ZNF717: variants seen among roughly 807,000 people sequenced by gnomAD.
ZNF717 encodes krueppel-like factor X17.
ZNF717 carries 9 observed loss-of-function variants against 13.8 expected under a neutral mutation model. The ratio of observed to expected loss-of-function variants is 0.65; its 90% confidence interval spans 0.39 to 1.14. ZNF717 has a LOEUF of 1.14. Among genes scored for constraint, ZNF717 ranks in the 50% most tolerant of loss-of-function variants. ZNF717 has a pLI of 0.01. For synonymous variants in ZNF717, 327 were observed against 364.1 expected (o/e 0.90, Z 1.16); for missense variants, 1,040 against 1,080.7 (o/e 0.96, Z 0.53).
At chr3:75,765,562 C>A (rs1196807683) in intron 2 of ZNF717, among the ~76,000 whole-genome samples, 1 of 152,116 alleles carries the variant, frequency 6.6e-6, no homozygotes, top group Non-Finnish European at 1.5e-5. Context: ...AGGTGCACAC[C>A]ACGATGTCAG....
At chr3:75,726,062 A>G (rs1938272906), downstream of ZNF717, among the ~76,000 whole-genome samples, 1 of 152,268 alleles carries the variant, frequency 6.6e-6, no homozygotes, top group Non-Finnish European at 1.5e-5. Context: ...TCAGTAAGAT[A>G]GCTACTCTTT....
exon 6 of ZNF717, chr3:75,730,429 G>C (rs1277433117): frequency 8.4e-6 from 4 of 475,182 alleles, no homozygotes; most frequent in Non-Finnish European, 1.1e-5. Flanking sequence ...TTTATTTCCA[G>C]GCTATCTGCC....
chr3:75,713,174 CAA>C (rs1382743266), intron 5 of ZNF717, among the ~76,000 whole-genome samples: 1 of 152,052 alleles, frequency 6.6e-6, no homozygotes, highest in African/African-American at 2.4e-5. Context: ...TTATTTGAGA[CAA>C]GTCTCAATCT....
chr3:75,729,480 T>C (rs1241051211), downstream of ZNF717, among the ~76,000 whole-genome samples: 2 of 152,198 alleles, frequency 1.3e-5, no homozygotes, highest in Admixed American at 1.3e-4. Flanking sequence ...CCAAGTGTGG[T>C]GGTGCATGCC....
rs1303130930 is a variant in ZNF717, at chr3:75,736,620, T to C, written c.*258A>G. On this transcript the variant is annotated 3_prime_UTR_variant, in exon 5 of 5. Transcript: ENST00000652011. ...ATGGAGGAGAAGAGAGGTGAGGAAGTTGCAGAAGAAATGTTTGAAGCTGGC... is the reference window on the plus strand; with the variant it reads ...ATGGAGGAGAAGAGAGGTGAGGAAGCTGCAGAAGAAATGTTTGAAGCTGGC... The C allele has an allele frequency of 4.5e-5, 21 of 469,786 alleles. No individual in the cohort carries two copies. In the Admixed American group the frequency reaches 5.4e-4, roughly 12 times the overall value. The allele number at this position is 469,786 out of a possible 1,614,324, so 29.1% of individuals were successfully genotyped here.
chr3:75,741,352 T>A lies in ZNF717; in HGVS notation c.201A>T (p.Lys67Asn), dbSNP rs1166901168. The A allele has an allele frequency of 6.5e-7, 1 of 1,545,954 alleles. No individual in the cohort carries two copies. Among genetic ancestry groups the A allele is most frequent in the Non-Finnish European group, 8.8e-7 (1 of 1,141,992 alleles). Residue 67 changes from lysine (K) to asparagine (N), a missense_variant, in exon 4 of 5, where the codon AAA (lysine) becomes AAT (asparagine). Around this residue, in one of 3 missense-constraint regions of ZNF717, gnomAD observed 123 missense variants for 177.8 expected, o/e 0.69. Transcript: ENST00000652011. ...GCTCTAGCTTGAAGATCATCTCAGG[T>A]TTGGTAATGTAATGCCCTGGTAATG... ...SLVSLGHYITKPEMIFKLEQG... is the reference protein window; with the variant it reads ...SLVSLGHYITNPEMIFKLEQG...
chr3:75,730,750 C>T, intron 5 of ZNF717: 1 of 565,870 alleles, frequency 1.8e-6, no homozygotes, highest in Admixed American at 3.4e-5. Flanking sequence ...TATTTACAAA[C>T]AGAAATAGAC....
At chr3:75,741,487 G>T in intron 3 of ZNF717, 119 bp from the exon 4 acceptor site, 1 of 1,351,496 alleles carries the variant, frequency 7.4e-7, no homozygotes, top group Non-Finnish European at 1.0e-6. Flanking sequence ...CATTTCATTA[G>T]AGTAGTGACA....
chr3:75,710,668 A>AC (rs1937912463), exon 6 of ZNF717: 2 of 152,186 alleles, frequency 1.3e-5, no homozygotes. Flanking sequence ...TGTGATCCAT[A>AC]CATCAGGCAC....
rs149499379 is a variant in ZNF717, at chr3:75,738,741, G to A, written c.882C>T (p.Ser294=). The change falls in exon 5 of 5, where the codon AGC becomes AGT. Residue 294 remains serine, a synonymous_variant. Coordinates refer to ENST00000652011, the MANE Select transcript of ZNF717 (RefSeq NM_001290208.3). ...ECVECEKPSI[S]KSDLMLQCKM... Reference sequence around the variant, plus strand: ...TGCACTGTAGCATAAGGTCTGATTTGCTAATGGAGGGTTTCTCACATTCAA... The same window carrying A: ...TGCACTGTAGCATAAGGTCTGATTTACTAATGGAGGGTTTCTCACATTCAA... 0.036 allele frequency: 56,434 copies of A among 1,551,796 alleles called. 814 individuals carry two copies. The highest frequency in any genetic ancestry group is 0.043 in the South Asian group (3,609 of 84,056).
At chr3:75,749,096 T>C (rs1296589830) in intron 2 of ZNF717, among the ~76,000 whole-genome samples, 3 of 151,982 alleles carry the variant, frequency 2.0e-5, no homozygotes. Flanking sequence ...GCACTGCTGC[T>C]GGGGTCTGAG....
chr3:75,768,255 A>G lies in ZNF717; in HGVS notation c.57+15051T>C, dbSNP rs548070143. ...ACTGCGGCTGAGTGTGTGGGTGCAG[A>G]TGACAGGCCACCACAACCTGATTCA... On this transcript the variant is annotated intron_variant, in intron 2 of 4. Transcript: ENST00000652011. Among the ~76,000 whole-genome samples the G allele has an allele frequency of 5.9e-5, 9 of 151,420 alleles. No individual in the cohort carries two copies. The East Asian group carries it at 7.8e-4, about 13-fold the overall frequency.
intron 2 of ZNF717, among the ~76,000 whole-genome samples, chr3:75,743,077 CAT>C (rs1404412065): frequency 6.6e-6 from 1 of 152,144 alleles, no homozygotes; most frequent in Non-Finnish European, 1.5e-5. Flanking sequence ...ATACCAAAAA[CAT>C]ATAAATAAAA....
At chr3:75,772,222 G>A (rs566014970) in intron 2 of ZNF717, among the ~76,000 whole-genome samples, 3 of 152,234 alleles carry the variant, frequency 2.0e-5, no homozygotes, top group Admixed American at 6.5e-5. Flanking sequence ...GGTCTCCTCT[G>A]AGCTGTACTG....
chr3:75,771,984 A>G (rs1443315277), intron 2 of ZNF717, among the ~76,000 whole-genome samples: 1 of 152,262 alleles, frequency 6.6e-6, no homozygotes, highest in Non-Finnish European at 1.5e-5. Flanking sequence ...CAGTGCTGAC[A>G]TGCCAGCCCC....
At chr3:75,747,681 G>A (rs1257798177) in intron 2 of ZNF717, among the ~76,000 whole-genome samples, 1 of 152,108 alleles carries the variant, frequency 6.6e-6, no homozygotes, top group Admixed American at 6.6e-5. Flanking sequence ...TGGTGTATAA[G>A]AATGCTTGTG....
chr3:75,701,824 A>G lies in ZNF717; in HGVS notation n.1085+9363T>C, dbSNP rs1412531592. Among the ~76,000 whole-genome samples, 3 of 152,220 alleles carry G rather than the reference A, an allele frequency of 2.0e-5. No homozygotes were observed. The South Asian group carries it at 6.2e-4, about 31-fold the overall frequency. ...AATCTAATTAAAGAGTGGACAAAAA[A>G]TTTAAATAGACATTTATGAAAAGAA... is the stretch of plus-strand genomic sequence containing the variant. On this transcript the variant is annotated intron_variant and non_coding_transcript_variant, in intron 6 of 6. Transcript: ENST00000648506.
chr3:75,707,908 G>A (rs1360957495), downstream of ZNF717, among the ~76,000 whole-genome samples: 5 of 152,266 alleles, frequency 3.3e-5, no homozygotes, highest in African/African-American at 9.6e-5. Context: ...GGGGAGGGGC[G>A]CCTGCCATTG....
chr3:75,726,398 G>A (rs1286983996), downstream of ZNF717, among the ~76,000 whole-genome samples: 1 of 152,244 alleles, frequency 6.6e-6, no homozygotes, highest in Non-Finnish European at 1.5e-5. Flanking sequence ...TGAGGCAGGT[G>A]GATCACTTGG....
Sources: gnomAD v4.1 joint callset for allele counts (sites outside exome capture counted in the v4.1 genomes callset) on GRCh38, gnomAD v4.1.1 for gene constraint, gnomAD v4.1.1 regional missense constraint, MANE v1.5 for transcripts, NCBI Gene and HGNC (gene_info 2026-07-23, HGNC 2026-07-21) for gene names.